PPFIA2: variants seen among roughly 807,000 people sequenced by gnomAD.
The protein encoded by PPFIA2 is PPFI scaffold protein A2.
A neutral mutation model predicts 175.5 loss-of-function variants in PPFIA2; 46 were observed. The ratio of observed to expected loss-of-function variants is 0.26; its 90% confidence interval spans 0.21 to 0.34. The LOEUF (loss-of-function observed/expected upper bound fraction) is 0.34. PPFIA2 is among the 10% of genes least tolerant of loss of function. PPFIA2 has a pLI of 1.00. For synonymous variants in PPFIA2, 568 were observed against 511.4 expected (o/e 1.11, Z -1.49); for missense variants, 1,179 against 1,506.1 (o/e 0.78, Z 3.60).
At chr12:81,607,456 G>T (rs1193120410) in intron 4 of PPFIA2, among the ~76,000 whole-genome samples, 1 of 152,052 alleles carries the variant, frequency 6.6e-6, no homozygotes, top group Non-Finnish European at 1.5e-5. Context: ...CCATTTATTT[G>T]TGTCATCTCT....
At chr12:81,414,038 T>A (rs1435935926) in intron 7 of PPFIA2, among the ~76,000 whole-genome samples, 2 of 151,742 alleles carry the variant, frequency 1.3e-5, no homozygotes. Flanking sequence ...TCCAGTAACC[T>A]TGTAAATTTG....
chr12:81,632,640 C>G lies in PPFIA2; in HGVS notation c.303+44151G>C, dbSNP rs560882595. On this transcript the variant is annotated intron_variant, in intron 4 of 32. Transcript: ENST00000549396. ...TCCAATTCTCTTGCTGTATCATTAC[C>G]TTTCTTTAACTCCTGGTAGGAATTA... 5.3e-5 allele frequency among the ~76,000 whole-genome samples: 8 copies of G among 152,160 alleles called. No homozygotes were observed. In the East Asian group the frequency reaches 1.5e-3, roughly 29 times the overall value.
chr12:81,366,885 G>C (rs2033633504), intron 14 of PPFIA2, among the ~76,000 whole-genome samples: 2 of 151,710 alleles, frequency 1.3e-5, no homozygotes, highest in Non-Finnish European at 3.0e-5. Flanking sequence ...AATTTGGGGG[G>C]AGTTTCTGAA....
At chr12:81,559,569 TA>T (rs1220991919) in intron 4 of PPFIA2, among the ~76,000 whole-genome samples, 1 of 152,192 alleles carries the variant, frequency 6.6e-6, no homozygotes, top group Non-Finnish European at 1.5e-5. Flanking sequence ...TATACCCTTA[TA>T]ATTATAAACG....
rs142113398 is a variant in PPFIA2 at position 81,286,178 on chromosome 12, T to G, written c.2926-1875A>C. On this transcript the variant is annotated intron_variant, in intron 24 of 32. Coordinates refer to ENST00000549396, the MANE Select transcript of PPFIA2 (RefSeq NM_003625.5). ...TTCAGCTGTACAATGTATTTGTGTT[T>G]TAAGCTAAGTATTATTTTAAAAAGA... Among the ~76,000 whole-genome samples, 708 of 152,178 alleles carry G rather than the reference T, an allele frequency of 4.7e-3. 5 individuals are homozygous for G. Among genetic ancestry groups the G allele is most frequent in the South Asian group, 0.017 (81 of 4,826 alleles).
In PPFIA2 at chr12:81,758,505, T is replaced by A. The variant is rs562664264; in HGVS notation, c.-108A>T. ...TCACACCCAGCACTCCTGGACCATT[T>A]CCCTAGCAACGGGAGGAGAAAGGCA... On this transcript the variant is annotated splice_region_variant and 5_prime_UTR_variant, in exon 2 of 33. Coordinates refer to ENST00000549396, the MANE Select transcript of PPFIA2 (RefSeq NM_003625.5). The A allele has an allele frequency of 1.4e-4, 64 of 448,884 alleles. No homozygotes were observed. The highest frequency in any genetic ancestry group is 9.9e-4 in the South Asian group (63 of 63,810). The allele number at this position is 448,884 out of a possible 1,614,324, so 27.8% of individuals were successfully genotyped here.
chr12:81,705,463 AAAAAAAAAAAAG>A (rs2077017198), intron 3 of PPFIA2, among the ~76,000 whole-genome samples: 1 of 141,154 alleles, frequency 7.1e-6, no homozygotes. Flanking sequence ...TCTCAAAAAA[AAAAAAAAAAAAG>A]AAAAGAAAAG....
At chr12:81,551,428 A>AAAAAC (rs1356398646) in intron 4 of PPFIA2, among the ~76,000 whole-genome samples, 4 of 152,056 alleles carry the variant, frequency 2.6e-5, no homozygotes, top group African/African-American at 9.7e-5. Flanking sequence ...ATATTCAGGA[A>AAAAAC]AAAACAATTA....
At chr12:81,497,696 C>T (rs771202289) in intron 4 of PPFIA2, among the ~76,000 whole-genome samples, 3 of 151,800 alleles carry the variant, frequency 2.0e-5, no homozygotes, top group Non-Finnish European at 2.9e-5. Flanking sequence ...CACGCCACCA[C>T]GTCCAGCTAA....
chr12:81,331,626 C>T (rs996587889), intron 21 of PPFIA2, among the ~76,000 whole-genome samples: 1 of 152,188 alleles, frequency 6.6e-6, no homozygotes, highest in Non-Finnish European at 1.5e-5. Flanking sequence ...TATTGCTTTT[C>T]ATACGCATTT....
intron 4 of PPFIA2, among the ~76,000 whole-genome samples, chr12:81,630,400 A>C (rs2063228619): frequency 6.6e-6 from 1 of 152,172 alleles, no homozygotes; most frequent in Non-Finnish European, 1.5e-5. Flanking sequence ...TAACTACAAG[A>C]AAGGCTGGAA....
intron 3 of PPFIA2, among the ~76,000 whole-genome samples, chr12:81,719,073 A>G (rs2079007545): frequency 6.6e-6 from 1 of 151,690 alleles, no homozygotes; most frequent in Non-Finnish European, 1.5e-5. Context: ...GAAGATAATC[A>G]TTAAGTAGTT....
intron 7 of PPFIA2, among the ~76,000 whole-genome samples, chr12:81,439,588 G>C (rs893203973): frequency 7.2e-5 from 11 of 152,002 alleles, no homozygotes; most frequent in Non-Finnish European, 2.9e-5. Flanking sequence ...AGGACCTGAG[G>C]GCAAGTATAT....
At chr12:81,264,794 A>G (rs2036700978) in intron 30 of PPFIA2, among the ~76,000 whole-genome samples, 1 of 152,184 alleles carries the variant, frequency 6.6e-6, no homozygotes, top group African/African-American at 2.4e-5. Context: ...ACTCTTCCCA[A>G]CTGCTGTGTT....
At chr12:81,327,843 A>T (rs1431656238) in intron 21 of PPFIA2, among the ~76,000 whole-genome samples, 33 of 152,206 alleles carry the variant, frequency 2.2e-4, no homozygotes, top group Non-Finnish European at 4.4e-5. Context: ...TTTTCTCATA[A>T]CTATAAAATA....
chr12:81,601,886 G>C (rs2059824407), intron 4 of PPFIA2, among the ~76,000 whole-genome samples: 1 of 151,800 alleles, frequency 6.6e-6, no homozygotes, highest in East Asian at 1.9e-4. Flanking sequence ...ATGGAATAAA[G>C]ATGATCTAGC....
intron 7 of PPFIA2, among the ~76,000 whole-genome samples, chr12:81,412,353 A>C (rs993974719): frequency 1.4e-4 from 21 of 146,704 alleles, no homozygotes; most frequent in Admixed American, 6.8e-5. Context: ...AAAAAAAAAA[A>C]AGGAAGCAGT....
intron 2 of PPFIA2, among the ~76,000 whole-genome samples, chr12:81,756,657 A>T (rs1011760009): frequency 1.3e-5 from 2 of 152,082 alleles, no homozygotes; most frequent in Admixed American, 6.6e-5. Flanking sequence ...AAAGAGGGCC[A>T]ATAATCTATG....
chr12:81,532,472 T>C (rs2064723384), intron 4 of PPFIA2, among the ~76,000 whole-genome samples: 1 of 151,792 alleles, frequency 6.6e-6, no homozygotes, highest in African/African-American at 2.4e-5. Context: ...TTCAAAGCTT[T>C]ACAATTTACT....
Sources: allele counts gnomAD v4.1 joint callset (sites outside exome capture counted in the v4.1 genomes callset), GRCh38; gene constraint gnomAD v4.1.1; transcripts MANE v1.5; gene names NCBI Gene and HGNC (gene_info 2026-07-23, HGNC 2026-07-21).